The following BRWD1 variants were observed in gnomAD, a reference collection of about 807,000 sequenced individuals.
The protein encoded by BRWD1 is bromodomain and WD repeat-containing protein 1.
A neutral mutation model predicts 251.2 loss-of-function variants in BRWD1; 82 were observed. That is an observed-to-expected ratio of 0.33 (90% CI 0.27 to 0.39). BRWD1 has a LOEUF of 0.39. Ranked by LOEUF, BRWD1 falls within the 10% of genes least tolerant of loss-of-function variation. The probability of loss-of-function intolerance (pLI) is 1.00; values close to 1 mark genes in which losing one functional copy is unlikely to be tolerated. For synonymous variants in BRWD1, 918 were observed against 902.8 expected (o/e 1.02, Z -0.30); for missense variants, 2,233 against 2,711.6 (o/e 0.82, Z 3.92).
At chr21:39,240,740 C>T (rs1416098361) in intron 21 of BRWD1, among the ~76,000 whole-genome samples, 1 of 152,032 alleles carries the variant, frequency 6.6e-6, no homozygotes, top group African/African-American at 2.4e-5. Context: ...TGAAAAATGT[C>T]AAGTGTGGGA....
At chr21:39,233,339 G>C (rs1001373903) in intron 23 of BRWD1, among the ~76,000 whole-genome samples, 1 of 152,094 alleles carries the variant, frequency 6.6e-6, no homozygotes, top group Non-Finnish European at 1.5e-5. Flanking sequence ...AATATGCAAC[G>C]TTTGCCATGT....
At chr21:39,313,729 G>C (rs566825297), upstream of BRWD1, 145 of 389,972 alleles carry the variant, frequency 3.7e-4, 1 homozygote, top group African/African-American at 2.7e-3. Context: ...GAGAGGACCG[G>C]AGCTCGTGTC....
chr21:39,313,946 C>T (rs899127859), upstream of BRWD1: 15 of 341,780 alleles, frequency 4.4e-5, no homozygotes, highest in South Asian at 6.4e-5. Flanking sequence ...GGGCGGGTGC[C>T]GGGGGCGGAA....
chr21:39,295,347 C>T (rs1258356944), intron 7 of BRWD1, among the ~76,000 whole-genome samples: 2 of 151,746 alleles, frequency 1.3e-5, no homozygotes, highest in Non-Finnish European at 2.9e-5. Flanking sequence ...CCACCACACC[C>T]GGCTAATTTT....
At chr21:39,296,009 G>A in intron 6 of BRWD1, 106 bp from the exon 7 acceptor site, 1 of 1,002,524 alleles carries the variant, frequency 1.0e-6, no homozygotes, top group Non-Finnish European at 1.4e-6. Flanking sequence ...CTATGTTCAA[G>A]AAGCCCTAAT....
At chr21:39,252,877 C>A (rs1479420933) in intron 19 of BRWD1, among the ~76,000 whole-genome samples, 1 of 152,178 alleles carries the variant, frequency 6.6e-6, no homozygotes, top group Non-Finnish European at 1.5e-5. Flanking sequence ...ACTAGAAATG[C>A]CCTTTTTGAC....
At chr21:39,238,433 A>G (rs1197588629) in intron 22 of BRWD1, 46 bp downstream of exon 22, 24 of 1,465,914 alleles carry the variant, frequency 1.6e-5, no homozygotes, top group Non-Finnish European at 2.2e-5. Context: ...TCCATCCAAG[A>G]CTATGACTAA....
intron 19 of BRWD1, among the ~76,000 whole-genome samples, chr21:39,253,310 A>G (rs1006881398): frequency 7.0e-6 from 1 of 142,610 alleles, no homozygotes; most frequent in African/African-American, 2.6e-5. Flanking sequence ...AAAAAAAAAA[A>G]AGGACTAGAA....
Position 39,197,255 on chromosome 21 carries a change from C to G in BRWD1, c.5814G>C (p.Lys1938Asn). The G allele has an allele frequency of 6.2e-7, 1 of 1,614,064 alleles. No individual in the cohort carries two copies. ...TRRCAATAAN[K>N]IKLMSDVEDV... ...CTTCTACATCACTCATGAGCTTGAT[C>G]TTATTGGCAGCCGTAGCTGCACATC... Residue 1938 changes from lysine to asparagine, a missense_variant, in exon 41 of 41, where the codon AAG becomes AAC. This residue lies in a region of BRWD1 where 928 missense variants were observed against 970.0 expected (regional missense o/e 0.96). Transcript: ENST00000342449.
At chr21:39,259,781 G>A (rs549969089) in intron 17 of BRWD1, among the ~76,000 whole-genome samples, 2 of 152,238 alleles carry the variant, frequency 1.3e-5, no homozygotes, top group South Asian at 2.1e-4. Context: ...AGGTTGCAGT[G>A]AGCCAAGATT....
At chr21:39,263,403 C>G (rs185207922) in intron 17 of BRWD1, among the ~76,000 whole-genome samples, 107 of 152,224 alleles carry the variant, frequency 7.0e-4, no homozygotes, top group Middle Eastern at 3.4e-3. Context: ...CCTGGAACAT[C>G]CTACATCCAG....
chr21:39,312,677 AAAAAC>A (rs1278789695), intron 4 of BRWD1, 159 bp downstream of exon 4: 5 of 447,110 alleles, frequency 1.1e-5, no homozygotes, highest in African/African-American at 4.2e-5. Context: ...TGGCCGCCTC[AAAAAC>A]AAAACAAAAT....
intron 29 of BRWD1, 51 bp downstream of exon 29, chr21:39,224,357 T>G (rs756536760): frequency 2.7e-6 from 3 of 1,127,756 alleles, no homozygotes; most frequent in Admixed American, 4.3e-5. Context: ...CACTGGCAAA[T>G]GTACATATTA....
intron 5 of BRWD1, 50 bp from the exon 6 acceptor site, chr21:39,296,413 G>C: frequency 6.7e-7 from 1 of 1,494,264 alleles, no homozygotes; most frequent in Non-Finnish European, 8.9e-7. Flanking sequence ...TTAACCCCAA[G>C]AAAGATTTTA....
At chr21:39,208,363 GCAGTGTGGATCCTGAATCC>G (rs2032505395) in intron 36 of BRWD1, among the ~76,000 whole-genome samples, 1 of 152,182 alleles carries the variant, frequency 6.6e-6, no homozygotes, top group Non-Finnish European at 1.5e-5. Flanking sequence ...GATCCAGCAA[GCAGTGTGGATCCTGAATCC>G]AAGAAAGAGT....
In BRWD1 at chr21:39,194,134, CCAGT is replaced by C. The variant is rs1220453035; in HGVS notation, c.*2121_*2124del. 1.1e-5 allele frequency: 11 copies of C among 984,892 alleles called. No individual in the cohort carries two copies. In the South Asian group the frequency reaches 4.2e-4, roughly 38 times the overall value. The allele number at this position is 984,892 out of a possible 1,614,324, so 61.0% of individuals were successfully genotyped here. A position where few individuals can be genotyped will look rare whatever the true frequency, so the allele number is the denominator to read the frequency against. Reference sequence around the variant, plus strand: ...GAAAGAAAAAATGGTAATTGGATGGCCAGTCAATGACCAATTAATGCAGTCCAAA... The same window carrying C: ...GAAAGAAAAAATGGTAATTGGATGGCCAATGACCAATTAATGCAGTCCAAA... On this transcript the variant is annotated 3_prime_UTR_variant, in exon 41 of 41. Coordinates refer to ENST00000342449, the MANE Select transcript of BRWD1 (RefSeq NM_033656.4).
chr21:39,320,583 C>T (rs889113861), intron 1 of BRWD1, among the ~76,000 whole-genome samples: 1 of 151,920 alleles, frequency 6.6e-6, no homozygotes, highest in Admixed American at 6.6e-5. Flanking sequence ...AATCCTCTGG[C>T]TCAGCTTCCC....
rs2031429204 is a variant in BRWD1 at position 39,189,455 on chromosome 21, GA to G, written c.*6803del. 1.4e-5 allele frequency: 14 copies of G among 971,570 alleles called. No individual in the cohort carries two copies. The highest frequency in any genetic ancestry group is 1.8e-5 in the African/African-American group (1 of 56,704). The allele number at this position is 971,570 out of a possible 1,614,324, so 60.2% of individuals were successfully genotyped here. ...TTAATAAATGTTTATTTGTCATCCA[GA>G]ATAATGGAAAAGTTAAGATTCTGCA... On this transcript the variant is annotated 3_prime_UTR_variant, in exon 41 of 41. Transcript: ENST00000342449.
intron 29 of BRWD1, among the ~76,000 whole-genome samples, chr21:39,222,777 G>C (rs1004988947): frequency 1.3e-5 from 2 of 152,124 alleles, no homozygotes; most frequent in Non-Finnish European, 1.5e-5. Flanking sequence ...AACAGCATAA[G>C]AAACAAGATT....
Sources: allele counts gnomAD v4.1 joint callset (sites outside exome capture counted in the v4.1 genomes callset), GRCh38; gene constraint gnomAD v4.1.1; regional missense constraint gnomAD v4.1.1; transcripts MANE v1.5; gene names NCBI Gene and HGNC (gene_info 2026-07-23, HGNC 2026-07-21).